PTPRR: variants seen among roughly 807,000 people sequenced by gnomAD.
The protein encoded by PTPRR is protein tyrosine phosphatase receptor type R.
In PTPRR, 38 loss-of-function variants were observed where a neutral mutation model predicts 77.2. That is an observed-to-expected ratio of 0.49 (90% CI 0.38 to 0.65). PTPRR has a LOEUF of 0.65. Ranked by LOEUF, PTPRR falls within the 30% of genes least tolerant of loss-of-function variation. PTPRR has a pLI of 0.00. For missense variants in PTPRR, 744 were observed against 799.2 expected, an observed-to-expected ratio of 0.93 and a Z score of 0.83; for synonymous variants, 299 against 283.1, an observed-to-expected ratio of 1.06 and a Z score of -0.57.
intron 1 of PTPRR, among the ~76,000 whole-genome samples, chr12:70,908,569 C>T (rs937770023): frequency 2.0e-5 from 3 of 152,114 alleles, no homozygotes; most frequent in Non-Finnish European, 4.4e-5. Context: ...GGAAGCCGCC[C>T]CATGATTCAA....
At chr12:70,701,027 T>G (rs1888402150) in intron 7 of PTPRR, 110 bp downstream of exon 7, 1 of 1,118,306 alleles carries the variant, frequency 8.9e-7, no homozygotes, top group African/African-American at 1.6e-5. Flanking sequence ...CACTTTGCCA[T>G]TTGTTTACTG....
intron 10 of PTPRR, among the ~76,000 whole-genome samples, chr12:70,681,917 A>C (rs1592667877): frequency 6.7e-6 from 1 of 149,884 alleles, no homozygotes; most frequent in African/African-American, 2.5e-5. Context: ...GAATTCTGTG[A>C]TTTCTCAGCT....
intron 2 of PTPRR, among the ~76,000 whole-genome samples, chr12:70,789,882 A>C (rs1483641183): frequency 6.6e-6 from 1 of 152,170 alleles, no homozygotes; most frequent in Non-Finnish European, 1.5e-5. Flanking sequence ...GTAATTCCCC[A>C]TCTGCAAATT....
At position 70,715,878 on chromosome 12, in the gene PTPRR, T is replaced by G. The variant is rs768156547; in HGVS notation, c.1008-14555A>C. ...TAGGGTCCTGAGGCGACATACATCC[T>G]TCTCAGCTGACAGGATTAAGAGATT... On this transcript the variant is annotated intron_variant, in intron 6 of 13. Transcript: ENST00000283228. 5.8e-4 allele frequency among the ~76,000 whole-genome samples: 88 copies of G among 152,288 alleles called. 1 individual carries two copies. Among genetic ancestry groups the G allele is most frequent in the Non-Finnish European group, 4.6e-4 (31 of 68,020 alleles).
At chr12:70,860,997 G>A (rs780757879) in intron 2 of PTPRR, among the ~76,000 whole-genome samples, 13 of 151,986 alleles carry the variant, frequency 8.6e-5, no homozygotes, top group Admixed American at 2.0e-4. Context: ...TTTGTTTATG[G>A]TCTGTCTTCC....
intron 4 of PTPRR, chr12:70,754,679 G>A (rs777061137): frequency 1.3e-6 from 2 of 1,597,030 alleles, no homozygotes; most frequent in Non-Finnish European, 1.7e-6. Context: ...CACAACATCA[G>A]CACCCTGGAT....
At chr12:70,656,887 G>A (rs1886603855) in intron 12 of PTPRR, 70 bp from the exon 13 acceptor site, 1 of 1,091,106 alleles carries the variant, frequency 9.2e-7, no homozygotes, top group South Asian at 1.3e-5. Flanking sequence ...TCTTTTACAA[G>A]GGTACTTTTA....
At chr12:70,696,982 T>C (rs1888254434) in intron 8 of PTPRR, among the ~76,000 whole-genome samples, 1 of 152,278 alleles carries the variant, frequency 6.6e-6, no homozygotes, top group African/African-American at 2.4e-5. Flanking sequence ...ATTTTATCTA[T>C]CCATTTCTCA....
At chr12:70,873,035 A>G (rs1592806750) in intron 2 of PTPRR, among the ~76,000 whole-genome samples, 1 of 152,176 alleles carries the variant, frequency 6.6e-6, no homozygotes, top group Admixed American at 6.5e-5. Flanking sequence ...TTTATGAGAA[A>G]AAAATGAATT....
chr12:70,802,016 A>C (rs1255860172), intron 2 of PTPRR, among the ~76,000 whole-genome samples: 2 of 152,166 alleles, frequency 1.3e-5, no homozygotes, highest in East Asian at 3.9e-4. Flanking sequence ...AATTGAGAGA[A>C]TATTTATTGG....
chr12:70,880,219 T>C (rs1378110958), intron 2 of PTPRR, among the ~76,000 whole-genome samples: 5 of 152,214 alleles, frequency 3.3e-5, no homozygotes, highest in Non-Finnish European at 4.4e-5. Flanking sequence ...TGTCATTCAA[T>C]TCCCATAATT....
chr12:70,795,030 A>G (rs925377007), intron 2 of PTPRR, among the ~76,000 whole-genome samples: 6 of 152,092 alleles, frequency 3.9e-5, no homozygotes, highest in African/African-American at 1.4e-4. Flanking sequence ...GTGGTAAGAG[A>G]GAGGGTAGGG....
At chr12:70,724,670 A>G (rs1412209482) in intron 6 of PTPRR, among the ~76,000 whole-genome samples, 2 of 152,044 alleles carry the variant, frequency 1.3e-5, no homozygotes, top group East Asian at 1.9e-4. Flanking sequence ...GGTAGTTACC[A>G]CTGCTACTGC....
At chr12:70,684,411 A>G (rs147287302) in intron 9 of PTPRR, 147 bp from the exon 10 acceptor site, 9,690 of 883,934 alleles carry the variant, frequency 0.011, 71 homozygotes, top group Non-Finnish European at 0.013. Flanking sequence ...AACAATTTCC[A>G]TGGGTATTTT....
intron 2 of PTPRR, among the ~76,000 whole-genome samples, chr12:70,816,397 A>G (rs936548143): frequency 6.6e-6 from 1 of 152,150 alleles, no homozygotes; most frequent in Non-Finnish European, 1.5e-5. Flanking sequence ...ATAATGAAAC[A>G]TAAAATAGTT....
At chr12:70,831,588 G>A (rs2137050712) in intron 2 of PTPRR, among the ~76,000 whole-genome samples, 1 of 152,294 alleles carries the variant, frequency 6.6e-6, no homozygotes, top group East Asian at 1.9e-4. Context: ...GTGTTCTGTT[G>A]TTACAAATGC....
chr12:70,737,007 G>A (rs1486315401), intron 6 of PTPRR, among the ~76,000 whole-genome samples: 1 of 152,184 alleles, frequency 6.6e-6, no homozygotes, highest in African/African-American at 2.4e-5. Context: ...CCCCACTGCT[G>A]GGAGGGTAGC....
At chr12:70,919,376 A>T (rs75677358) in intron 1 of PTPRR, among the ~76,000 whole-genome samples, 1 of 152,256 alleles carries the variant, frequency 6.6e-6, no homozygotes, top group East Asian at 1.9e-4. Flanking sequence ...GGTTTCTAAA[A>T]TCTCCCTGCC....
At chr12:70,777,263 GATGT>G (rs1252018596) in intron 2 of PTPRR, among the ~76,000 whole-genome samples, 1 of 151,822 alleles carries the variant, frequency 6.6e-6, no homozygotes, top group Non-Finnish European at 1.5e-5. Flanking sequence ...AACAGATTTA[GATGT>G]GTTTTATTGC....
Sources: allele counts gnomAD v4.1 joint callset (sites outside exome capture counted in the v4.1 genomes callset), GRCh38; gene constraint gnomAD v4.1.1; transcripts MANE v1.5; gene names NCBI Gene and HGNC (gene_info 2026-07-23, HGNC 2026-07-21).